NDST4: variants seen among roughly 807,000 people sequenced by gnomAD.
NDST4 encodes the protein N-deacetylase and N-sulfotransferase 4.
In NDST4, 63 loss-of-function variants were observed where a neutral mutation model predicts 100.8. That is an observed-to-expected ratio of 0.62 (90% CI 0.51 to 0.77). The LOEUF is 0.77. Ranked by LOEUF, NDST4 falls within the 30% of genes least tolerant of loss-of-function variation. The pLI is 0.00. For missense variants in NDST4, 943 were observed against 1,018.4 expected, an observed-to-expected ratio of 0.93 and a Z score of 1.01; for synonymous variants, 377 against 361.8, an observed-to-expected ratio of 1.04 and a Z score of -0.48.
intron 7 of NDST4, among the ~76,000 whole-genome samples, chr4:114,867,646 T>TTAAAAAAAAA (rs1553949943): frequency 3.7e-5 from 1 of 26,772 alleles, no homozygotes; most frequent in African/African-American, 8.4e-5. Context: ...ATGAGAATTA[T>TTAAAAAAAAA]AAAAAAAAAA....
chr4:114,967,322 C>T (rs913892598), intron 4 of NDST4, among the ~76,000 whole-genome samples: 7 of 152,000 alleles, frequency 4.6e-5, no homozygotes, highest in Non-Finnish European at 8.8e-5. Flanking sequence ...ATGTAAAATA[C>T]AATAAGATTT....
chr4:114,872,991 A>C (rs1009963029), intron 6 of NDST4, among the ~76,000 whole-genome samples: 1 of 152,002 alleles, frequency 6.6e-6, no homozygotes, highest in Non-Finnish European at 1.5e-5. Context: ...GTAGTAGAAA[A>C]CTATATAAGT....
chr4:115,026,153 T>C (rs1351594441), intron 2 of NDST4, among the ~76,000 whole-genome samples: 1 of 152,104 alleles, frequency 6.6e-6, no homozygotes, highest in East Asian at 1.9e-4. Context: ...ACTTTAACCT[T>C]AAGTTAATTT....
chr4:115,032,277 TAGTC>T (rs1416358242), intron 2 of NDST4, among the ~76,000 whole-genome samples: 2 of 152,160 alleles, frequency 1.3e-5, no homozygotes, highest in Non-Finnish European at 1.5e-5. Context: ...AAAACGGTAA[TAGTC>T]AGCAATAACA....
At chr4:114,957,377 A>C (rs1302448669) in intron 4 of NDST4, among the ~76,000 whole-genome samples, 3 of 152,166 alleles carry the variant, frequency 2.0e-5, no homozygotes, top group East Asian at 3.8e-4. Flanking sequence ...TTAAATCATC[A>C]GATCTCATGA....
At chr4:115,082,035 C>A (rs1442904642) in intron 1 of NDST4, among the ~76,000 whole-genome samples, 1 of 152,064 alleles carries the variant, frequency 6.6e-6, no homozygotes, top group Non-Finnish European at 1.5e-5. Flanking sequence ...TTCATGACAA[C>A]CTGTCACAAA....
rs1578355507 is a variant in NDST4, at chr4:114,871,022, G to A, written c.1537-72C>T. The A allele has an allele frequency of 3.7e-6, 4 of 1,092,754 alleles. No homozygotes were observed. In the East Asian group the frequency reaches 1.1e-4, roughly 31 times the overall value. 67.7% of individuals were successfully genotyped at this position (1,092,754 alleles called of 1,614,324 possible). ...TTAAAAGTAGCAGTACAAGCCCCAG[G>A]CAGCACCTCACCTCACCTTGGAATT... On this transcript the variant is annotated intron_variant, in intron 6 of 13. Transcript: ENST00000264363.
At chr4:114,925,563 G>A (rs1373731205) in intron 6 of NDST4, among the ~76,000 whole-genome samples, 2 of 152,062 alleles carry the variant, frequency 1.3e-5, no homozygotes, top group Non-Finnish European at 2.9e-5. Context: ...ACCAGACTAG[G>A]TATATGAAAG....
At chr4:114,876,895 C>T (rs1724265048) in intron 6 of NDST4, among the ~76,000 whole-genome samples, 2 of 152,078 alleles carry the variant, frequency 1.3e-5, no homozygotes, top group South Asian at 4.1e-4. Flanking sequence ...TTACTAGGAA[C>T]TAAGAAACTA....
chr4:115,001,498 A>G (rs905643087), intron 2 of NDST4, among the ~76,000 whole-genome samples: 4 of 151,896 alleles, frequency 2.6e-5, no homozygotes, highest in Non-Finnish European at 5.9e-5. Flanking sequence ...CGAATATGTA[A>G]GCTGTCTTGT....
At chr4:114,863,366 C>G (rs61266544) in intron 7 of NDST4, among the ~76,000 whole-genome samples, 25,180 of 152,178 alleles carry the variant, frequency 0.17, 3,567 homozygotes, top group African/African-American at 0.38. Flanking sequence ...ATCTGGCGTT[C>G]TCTCTGCAGT....
intron 6 of NDST4, among the ~76,000 whole-genome samples, chr4:114,881,653 G>C (rs552467487): frequency 1.3e-5 from 2 of 152,170 alleles, no homozygotes; most frequent in South Asian, 4.1e-4. Context: ...TTATAGGTCT[G>C]GAGGGAGAGG....
rs367931653 is a variant in NDST4 at position 114,933,432 on chromosome 4, CTTTTTTTT to C, written c.1536+1766_1536+1773del. On this transcript the variant is annotated intron_variant, in intron 6 of 13. Transcript: ENST00000264363. ...GACTGGGAATTGATTTTTTCTTTTC[CTTTTTTTT>C]TTTTTTTTTTTTTTGTGTGTAAAAA... Among the ~76,000 whole-genome samples the C allele has an allele frequency of 0.023, 2,037 of 89,316 alleles. 101 individuals carry two copies. The South Asian group carries it at 0.23, about 10-fold the overall frequency. 58.6% of individuals were successfully genotyped at this position (89,316 alleles called of 152,430 possible).
chr4:115,000,282 A>C (rs1197824825), intron 2 of NDST4, among the ~76,000 whole-genome samples: 1 of 151,868 alleles, frequency 6.6e-6, no homozygotes, highest in African/African-American at 2.4e-5. Context: ...ACAATGTAAG[A>C]AAGTAAAGTA....
At chr4:114,988,403 C>T (rs1726960944) in intron 2 of NDST4, among the ~76,000 whole-genome samples, 1 of 125,076 alleles carries the variant, frequency 8.0e-6, no homozygotes, top group African/African-American at 3.2e-5. Context: ...GATCTGTAGC[C>T]CAGGCTGGAG....
intron 6 of NDST4, among the ~76,000 whole-genome samples, chr4:114,931,602 G>A (rs183436670): frequency 2.0e-5 from 3 of 151,714 alleles, no homozygotes; most frequent in Admixed American, 6.6e-5. Flanking sequence ...AAATTAGCAT[G>A]CATATAGCTA....
chr4:114,945,488 T>C (rs919181130), intron 4 of NDST4, among the ~76,000 whole-genome samples: 21 of 152,194 alleles, frequency 1.4e-4, no homozygotes, highest in Non-Finnish European at 1.5e-4. Context: ...TGGTACATTG[T>C]TGGTATTTGA....
chr4:114,921,157 C>T (rs1413433183), intron 6 of NDST4, among the ~76,000 whole-genome samples: 2 of 151,852 alleles, frequency 1.3e-5, no homozygotes, highest in East Asian at 3.9e-4. Context: ...GCAACTGAAA[C>T]AAAAACGTTT....
intron 4 of NDST4, among the ~76,000 whole-genome samples, chr4:114,964,429 T>C (rs1726335684): frequency 6.6e-6 from 1 of 152,186 alleles, no homozygotes; most frequent in Non-Finnish European, 1.5e-5. Context: ...TTTTAGGTCT[T>C]TATAGTCTAA....
Sources: gnomAD v4.1 joint callset for allele counts (sites outside exome capture counted in the v4.1 genomes callset) on GRCh38, gnomAD v4.1.1 for gene constraint, MANE v1.5 for transcripts, NCBI Gene and HGNC (gene_info 2026-07-23, HGNC 2026-07-21) for gene names.